Variants in LIN28B observed in about 807,000 individuals in gnomAD.
The protein encoded by LIN28B is lin-28 RNA binding posttranscriptional regulator B.
LIN28B carries 5 observed loss-of-function variants against 21.9 expected under a neutral mutation model. The ratio of observed to expected loss-of-function variants is 0.23; its 90% confidence interval spans 0.12 to 0.48. The LOEUF is 0.48. Ranked by LOEUF, LIN28B falls within the 20% of genes least tolerant of loss-of-function variation. The pLI, the probability that LIN28B is intolerant of heterozygous loss-of-function variation, is 0.98. For synonymous variants in LIN28B, 109 were observed against 111.3 expected, an observed-to-expected ratio of 0.98 and a Z score of 0.13; for missense variants, 245 against 310.5, an observed-to-expected ratio of 0.79 and a Z score of 1.58.
intron 3 of LIN28B, among the ~76,000 whole-genome samples, chr6:104,951,700 A>G (rs1353591573): frequency 6.6e-6 from 1 of 152,156 alleles, no homozygotes; most frequent in African/African-American, 2.4e-5. Context: ...GAAAGGTACA[A>G]CTTTCACCAG....
At chr6:104,966,340 G>A (rs1198874132) in intron 2 of LIN28B, among the ~76,000 whole-genome samples, 1 of 151,964 alleles carries the variant, frequency 6.6e-6, no homozygotes, top group Non-Finnish European at 1.5e-5. Context: ...GTTATGGTAA[G>A]GGTCAATTGA....
intron 3 of LIN28B, among the ~76,000 whole-genome samples, chr6:105,038,754 T>G (rs1184518328): frequency 6.6e-6 from 1 of 152,122 alleles, no homozygotes; most frequent in Non-Finnish European, 1.5e-5. Flanking sequence ...CAAAAAGCAC[T>G]ACAAATCAAA....
intron 3 of LIN28B, among the ~76,000 whole-genome samples, chr6:105,050,995 G>T (rs1200395384): frequency 2.0e-5 from 3 of 150,782 alleles, no homozygotes; most frequent in Non-Finnish European, 4.4e-5. Flanking sequence ...TGGGAGGATC[G>T]CTTGAGACCA....
intron 2 of LIN28B, among the ~76,000 whole-genome samples, chr6:104,968,110 T>C (rs1769901059): frequency 6.6e-6 from 1 of 152,210 alleles, no homozygotes; most frequent in Non-Finnish European, 1.5e-5. Flanking sequence ...CCAACTAATT[T>C]TTATTGATCA....
intron 3 of LIN28B, among the ~76,000 whole-genome samples, chr6:105,070,602 A>ACACACACACACG (rs1772313484): frequency 6.9e-6 from 1 of 145,198 alleles, no homozygotes; most frequent in African/African-American, 2.6e-5. Context: ...CCACACACAC[A>ACACACACACACG]CACACACACA....
At chr6:104,973,946 T>C (rs915414278) in intron 2 of LIN28B, among the ~76,000 whole-genome samples, 5 of 152,226 alleles carry the variant, frequency 3.3e-5, no homozygotes, top group Admixed American at 6.5e-5. Flanking sequence ...TACACACTTA[T>C]TGATATTACC....
intron 2 of LIN28B, among the ~76,000 whole-genome samples, chr6:104,976,994 T>C (rs1263754930): frequency 2.0e-5 from 3 of 152,190 alleles, no homozygotes; most frequent in African/African-American, 7.2e-5. Context: ...TAGCCAGATA[T>C]TTAAGCTCTT....
In LIN28B at chr6:104,998,186, A is replaced by C. The variant is rs1562087064; in HGVS notation, c.199-28112A>C. Among the ~76,000 whole-genome samples, 3 of 152,342 alleles carry C rather than the reference A, an allele frequency of 2.0e-5. No individual in the cohort carries two copies. The South Asian group carries it at 6.2e-4, about 32-fold the overall frequency. ...ATGTTTTTAAGAAGTGTTTCATGTTATAAGACCCCACAAGGTTAAAACCAA... is the reference window on the plus strand; with the variant it reads ...ATGTTTTTAAGAAGTGTTTCATGTTCTAAGACCCCACAAGGTTAAAACCAA... On this transcript the variant is annotated intron_variant, in intron 2 of 3. Coordinates refer to ENST00000345080, the MANE Select transcript of LIN28B (RefSeq NM_001004317.4).
intron 2 of LIN28B, among the ~76,000 whole-genome samples, chr6:104,961,300 A>G (rs1257784643): frequency 6.6e-6 from 1 of 152,164 alleles, no homozygotes; most frequent in African/African-American, 2.4e-5. Context: ...TGATGATTTT[A>G]TTTTTAAATA....
At chr6:105,012,413 G>C (rs555433908) in intron 2 of LIN28B, among the ~76,000 whole-genome samples, 3 of 151,550 alleles carry the variant, frequency 2.0e-5, no homozygotes, top group Non-Finnish European at 4.4e-5. Flanking sequence ...AGGTTGCAGT[G>C]AGCTGAGATC....
chr6:104,989,633 G>A (rs1403835446), intron 2 of LIN28B, among the ~76,000 whole-genome samples: 1 of 123,092 alleles, frequency 8.1e-6, no homozygotes, highest in Non-Finnish European at 1.6e-5. Flanking sequence ...TCACTGTGTC[G>A]CCCAGGCTAG....
chr6:105,014,736 A>G (rs1218260660), intron 2 of LIN28B, among the ~76,000 whole-genome samples: 3 of 152,180 alleles, frequency 2.0e-5, no homozygotes, highest in Non-Finnish European at 4.4e-5. Flanking sequence ...TACAGATATA[A>G]GCCACTGTAC....
At chr6:104,982,978 A>C (rs1394945488) in intron 2 of LIN28B, among the ~76,000 whole-genome samples, 1 of 149,736 alleles carries the variant, frequency 6.7e-6, no homozygotes, top group Non-Finnish European at 1.5e-5. Flanking sequence ...TTTTTCTTTT[A>C]TTTTTTTTTG....
At chr6:104,976,573 G>A (rs941301018) in intron 2 of LIN28B, among the ~76,000 whole-genome samples, 24 of 152,200 alleles carry the variant, frequency 1.6e-4, no homozygotes, top group Admixed American at 4.6e-4. Context: ...TTCCCACAGA[G>A]TGTAAAGTGC....
chr6:104,959,148 C>T (rs1305618307), intron 2 of LIN28B, among the ~76,000 whole-genome samples: 2 of 152,156 alleles, frequency 1.3e-5, no homozygotes, highest in Non-Finnish European at 2.9e-5. Flanking sequence ...CTTTACTCCT[C>T]TCTACTGCTT....
intron 2 of LIN28B, among the ~76,000 whole-genome samples, chr6:104,940,695 C>A (rs543682720): frequency 6.6e-6 from 1 of 150,614 alleles, no homozygotes; most frequent in African/African-American, 2.4e-5. Context: ...CGCGCTCCCC[C>A]ACCCGGCTCA....
chr6:105,022,122 A>G (rs912852112), intron 2 of LIN28B, among the ~76,000 whole-genome samples: 6 of 152,278 alleles, frequency 3.9e-5, no homozygotes, highest in Admixed American at 6.5e-5. Context: ...TTTTTGAGAC[A>G]AGGGACTTAA....
chr6:105,029,674 C>A (rs143234490), intron 3 of LIN28B, among the ~76,000 whole-genome samples: 2 of 152,140 alleles, frequency 1.3e-5, no homozygotes, highest in Admixed American at 1.3e-4. Context: ...GTGCCAAAGA[C>A]CCACATAAGA....
intron 2 of LIN28B, chr6:104,941,045 G>C (rs1778081241): frequency 6.6e-6 from 1 of 152,260 alleles, no homozygotes; most frequent in Non-Finnish European, 1.5e-5. Flanking sequence ...GCGCGAGTGC[G>C]AGCGTGGCCG....
Sources: gnomAD v4.1 joint callset for allele counts (sites outside exome capture counted in the v4.1 genomes callset) on GRCh38, gnomAD v4.1.1 for gene constraint, MANE v1.5 for transcripts, NCBI Gene and HGNC (gene_info 2026-07-23, HGNC 2026-07-21) for gene names.